The following TRIM61 variants were observed in gnomAD, a reference collection of about 807,000 sequenced individuals.
TRIM61 encodes the protein tripartite motif containing 61, also known as putative tripartite motif-containing protein 61.
TRIM61 carries 1 observed loss-of-function variant against 14.2 expected under a neutral mutation model. The ratio of observed to expected loss-of-function variants is 0.07; its 90% CI spans 0.03 to 0.33. TRIM61 has a LOEUF of 0.33. Ranked by LOEUF, TRIM61 falls within the 10% of genes least tolerant of loss-of-function variation. The pLI is 0.99. For missense variants in TRIM61, 19 were observed against 202.2 expected (o/e 0.09, Z 5.49); for synonymous variants, 8 against 71.6 (o/e 0.11, Z 4.49).
intron 3 of TRIM61, chr4:164,957,213 G>A (rs2055912937): frequency 6.8e-6 from 11 of 1,613,962 alleles, no homozygotes; most frequent in Admixed American, 1.7e-5. Context: ...AGACATCCAG[G>A]GACGACCACA....
chr4:164,956,959 CG>C, intron 3 of TRIM61: 1 of 1,417,210 alleles, frequency 7.1e-7, no homozygotes, highest in Non-Finnish European at 9.3e-7. Context: ...CTTCGACTTC[CG>C]GGTGAGACCG....
rs762554625 is a variant in TRIM61 at position 164,961,153 on chromosome 4, C to CAAAAAAAAAAAAAAAAAAAAAAAAAAA, written c.526-6084_526-6058dup. On this transcript the variant is annotated intron_variant, in intron 3 of 4. Coordinates refer to ENST00000329314, the MANE Select transcript of TRIM61 (RefSeq NM_001012414.3). Reference sequence around the variant, plus strand: ...ATGACAGAAAATAAGAACTCTCAGGCAAAAAAAAAAAAAAAAAAAAAAAAA... The same window carrying CAAAAAAAAAAAAAAAAAAAAAAAAAAA: ...ATGACAGAAAATAAGAACTCTCAGGCAAAAAAAAAAAAAAAAAAAAAAAAAAAAAAAAAAAAAAAAAAAAAAAAAAAA... Among the ~76,000 whole-genome samples, 44 of 31,718 alleles carry CAAAAAAAAAAAAAAAAAAAAAAAAAAA rather than the reference C, an allele frequency of 1.4e-3. 13 individuals are homozygous for CAAAAAAAAAAAAAAAAAAAAAAAAAAA. Among genetic ancestry groups the CAAAAAAAAAAAAAAAAAAAAAAAAAAA allele is most frequent in the Non-Finnish European group, 2.2e-3 (33 of 14,932 alleles). 20.8% of individuals were successfully genotyped at this position (31,718 alleles called of 152,430 possible). A position where few individuals can be genotyped will look rare whatever the true frequency, so the allele number is the denominator to read the frequency against.
In TRIM61 at chr4:164,962,359, T is replaced by A. The variant is rs543107252; in HGVS notation, c.525+7119A>T. On this transcript the variant is annotated intron_variant, in intron 3 of 4. Transcript: ENST00000329314. ...CCTCAGCCTCCCGAGTAGCTGGGACTACAGGCGCCTGCCACCATGCCTGGC... is the reference window on the plus strand; with the variant it reads ...CCTCAGCCTCCCGAGTAGCTGGGACAACAGGCGCCTGCCACCATGCCTGGC... 2.2e-4 allele frequency among the ~76,000 whole-genome samples: 33 copies of A among 151,692 alleles called. 1 individual carries two copies. In the East Asian group the frequency reaches 5.5e-3, roughly 25 times the overall value.
intron 3 of TRIM61, among the ~76,000 whole-genome samples, chr4:164,966,957 T>C (rs1732257038): frequency 6.6e-6 from 1 of 151,400 alleles, no homozygotes; most frequent in Non-Finnish European, 1.5e-5. Context: ...AAGAGAAAAA[T>C]GATCTGTATT....
chr4:164,971,833 CA>C (rs2111150522), intron 2 of TRIM61, among the ~76,000 whole-genome samples: 1 of 152,236 alleles, frequency 6.6e-6, no homozygotes, highest in African/African-American at 2.4e-5. Context: ...ACCATCAATA[CA>C]GTATTTTTTC....
At chr4:164,959,544 G>A (rs185088559) in intron 3 of TRIM61, among the ~76,000 whole-genome samples, 13 of 152,254 alleles carry the variant, frequency 8.5e-5, no homozygotes, top group Admixed American at 7.2e-4. Context: ...ATCTGGAGGA[G>A]GGTGAAGAAC....
Position 164,969,875 on chromosome 4 carries a change from G to A in TRIM61, c.128C>T (p.Ser43Phe). The A allele has an allele frequency of 1.4e-5, 23 of 1,613,996 alleles. No homozygotes were observed. Among genetic ancestry groups the A allele is most frequent in the Non-Finnish European group, 1.9e-5 (22 of 1,179,872 alleles). Residue 43 changes from serine (S) to phenylalanine (F), a missense_variant, in exon 3 of 5, where the codon TCC becomes TTC. This residue lies in a region of TRIM61 where 17 missense variants were observed against 105.5 expected (regional missense o/e 0.16). Transcript: ENST00000329314. ...GAAACTATCATGTAGATCCTTCCAGGACATAATGATGCAGGAGAGACAGAA... is the reference window on the plus strand; with the variant it reads ...GAAACTATCATGTAGATCCTTCCAGAACATAATGATGCAGGAGAGACAGAA...
chr4:164,970,600 T>C (rs541615148), intron 2 of TRIM61, among the ~76,000 whole-genome samples: 17 of 152,070 alleles, frequency 1.1e-4, no homozygotes, highest in Non-Finnish European at 2.5e-4. Context: ...TCCAAAAATA[T>C]TGCCATTAGA....
At chr4:164,972,730 C>A (rs942329776) in intron 2 of TRIM61, among the ~76,000 whole-genome samples, 1 of 152,218 alleles carries the variant, frequency 6.6e-6, no homozygotes, top group African/African-American at 2.4e-5. Context: ...TCCAAGTGAT[C>A]GGCCCACCTT....
intron 3 of TRIM61, among the ~76,000 whole-genome samples, chr4:164,962,988 T>C (rs1264533884): frequency 6.6e-6 from 1 of 152,160 alleles, no homozygotes; most frequent in Non-Finnish European, 1.5e-5. Context: ...TTTAAAAATA[T>C]ATACTATAAA....
chr4:164,957,409 C>G (rs1732034113), intron 3 of TRIM61: 5 of 1,613,904 alleles, frequency 3.1e-6, no homozygotes, highest in Non-Finnish European at 4.2e-6. Flanking sequence ...AGAGAACCAC[C>G]ATCAGGTCCC....
intron 3 of TRIM61, among the ~76,000 whole-genome samples, chr4:164,967,594 G>A (rs1732270863): frequency 6.6e-6 from 1 of 152,132 alleles, no homozygotes; most frequent in African/African-American, 2.4e-5. Flanking sequence ...TGTGGCAGAG[G>A]AGGATGTAAG....
At chr4:164,968,113 A>T in intron 3 of TRIM61, 168 bp downstream of exon 3, 1 of 957,342 alleles carries the variant, frequency 1.0e-6, no homozygotes, top group East Asian at 1.2e-4. Flanking sequence ...GATCCTGGCC[A>T]TTGCACTCCA....
At position 164,955,045 on chromosome 4, in the gene TRIM61, G is replaced by C. The variant is rs1384783436; in HGVS notation, c.577C>G (p.His193Asp). Residue 193 changes from histidine (H) to aspartate (D), a missense_variant, in exon 4 of 5, where the codon CAC (histidine) becomes GAC (aspartate). His to Asp is a moderately conservative substitution (Grantham distance 81). Around this residue, in one of 2 missense-constraint regions of TRIM61, gnomAD observed 2 missense variants for 96.6 expected, o/e 0.02. Transcript: ENST00000329314. ...GATCCCGGGAGGCGGAGGTTGAAGT[G>C]AGCCGAGATCGTGCAACTGCACTCC... The C allele has an allele frequency of 4.1e-6, 1 of 242,960 alleles. No individual in the cohort carries two copies. The highest frequency in any genetic ancestry group is 8.6e-6 in the Non-Finnish European group (1 of 116,730). 15.1% of individuals were successfully genotyped at this position (242,960 alleles called of 1,614,324 possible). A position where few individuals can be genotyped will look rare whatever the true frequency, so the allele number is the denominator to read the frequency against.
rs538308363 is a variant in TRIM61, at chr4:164,956,998, G to C, written c.526-1902C>G. 7.9e-4 allele frequency: 1,154 copies of C among 1,460,320 alleles called. 2 individuals carry two copies. The highest frequency in any genetic ancestry group is 1.2e-3 in the Middle Eastern group (6 of 5,030). 90.5% of individuals were successfully genotyped at this position (1,460,320 alleles called of 1,614,324 possible). On this transcript the variant is annotated intron_variant, in intron 3 of 4. Transcript: ENST00000329314. ...AAGGTGTGGCGCGACGTTGGAGACC[G>C]GGGCAGCGCCATGTACCACAGTGGA...
At chr4:164,957,731 A>C in intron 3 of TRIM61, 1 of 515,478 alleles carries the variant, frequency 1.9e-6, no homozygotes, top group Non-Finnish European at 3.4e-6. Flanking sequence ...AATATAAAGA[A>C]TAGGATATGA....
intron 2 of TRIM61, among the ~76,000 whole-genome samples, chr4:164,975,084 T>G (rs1247689734): frequency 6.6e-6 from 1 of 151,862 alleles, no homozygotes; most frequent in African/African-American, 2.4e-5. Context: ...AATGCAAAAA[T>G]TAGCCGGGCA....
At chr4:164,971,942 T>C (rs1164216532) in intron 2 of TRIM61, among the ~76,000 whole-genome samples, 1 of 152,194 alleles carries the variant, frequency 6.6e-6, no homozygotes, top group Non-Finnish European at 1.5e-5. Flanking sequence ...ATGTGCATGG[T>C]TTTGACATGT....
chr4:164,972,438 A>G (rs1194179556), intron 2 of TRIM61, among the ~76,000 whole-genome samples: 1 of 152,166 alleles, frequency 6.6e-6, no homozygotes, highest in Non-Finnish European at 1.5e-5. Context: ...AATCTAGAAT[A>G]ATGTTCCCTG....
Sources: allele counts gnomAD v4.1 joint callset (sites outside exome capture counted in the v4.1 genomes callset), GRCh38; gene constraint gnomAD v4.1.1; regional missense constraint gnomAD v4.1.1; transcripts MANE v1.5; gene names NCBI Gene and HGNC (gene_info 2026-07-23, HGNC 2026-07-21).